COL4A1: variants seen among roughly 807,000 people sequenced by gnomAD.
COL4A1 encodes collagen alpha-1(IV) chain.
Under a neutral mutation model 216.6 loss-of-function variants are expected in COL4A1, and 40 were observed. That is an observed-to-expected ratio of 0.18 (90% CI 0.14 to 0.24). COL4A1 has a LOEUF of 0.24. COL4A1 is among the 10% of genes least tolerant of loss of function. COL4A1 has a pLI of 1.00. For missense variants in COL4A1, 1,628 were observed against 2,196.8 expected (o/e 0.74, Z 5.18); for synonymous variants, 839 against 810.7 (o/e 1.03, Z -0.59).
intron 44 of COL4A1, 36 bp from the exon 45 acceptor site, chr13:110,166,339 T>C (rs1459545696): frequency 1.6e-6 from 2 of 1,283,698 alleles, no homozygotes; most frequent in Non-Finnish European, 2.3e-6. Context: ...TTGCACAGAA[T>C]TCCCAATGAT....
At chr13:110,274,646 TAGAC>T (rs575510337) in intron 1 of COL4A1, among the ~76,000 whole-genome samples, 9 of 152,288 alleles carry the variant, frequency 5.9e-5, no homozygotes, top group Non-Finnish European at 1.2e-4. Flanking sequence ...TCACCGTTGT[TAGAC>T]AGAAATGCAA....
intron 20 of COL4A1, among the ~76,000 whole-genome samples, chr13:110,199,335 G>A (rs1879057139): frequency 6.6e-6 from 1 of 152,196 alleles, no homozygotes; most frequent in South Asian, 2.1e-4. Context: ...GAAACAGGAC[G>A]CAGGAAGACT....
intron 1 of COL4A1, among the ~76,000 whole-genome samples, chr13:110,303,859 C>G (rs975468609): frequency 1.4e-4 from 21 of 152,184 alleles, no homozygotes; most frequent in African/African-American, 4.8e-4. Flanking sequence ...GAGGTGTTCC[C>G]GATGTGTGTG....
At chr13:110,220,127 G>A (rs560065540) in intron 2 of COL4A1, among the ~76,000 whole-genome samples, 7 of 151,982 alleles carry the variant, frequency 4.6e-5, no homozygotes, top group South Asian at 4.2e-4. Flanking sequence ...TAGTAGAGAC[G>A]GGGTTTCGCC....
intron 14 of COL4A1, 21 bp from the exon 15 acceptor site, chr13:110,206,736 AAG>A: frequency 6.2e-7 from 1 of 1,613,678 alleles, no homozygotes; most frequent in Non-Finnish European, 8.5e-7. Context: ...TAAAAAGACA[AAG>A]AGATTTATTC....
chr13:110,230,285 T>A (rs1318301787), intron 2 of COL4A1, among the ~76,000 whole-genome samples: 1 of 151,874 alleles, frequency 6.6e-6, no homozygotes, highest in East Asian at 1.9e-4. Flanking sequence ...GTGGTGCGTG[T>A]ATATGTATGT....
intron 1 of COL4A1, among the ~76,000 whole-genome samples, chr13:110,284,699 C>T (rs61964261): frequency 0.1 from 15,456 of 152,184 alleles, 987 homozygotes; most frequent in Non-Finnish European, 0.13. Context: ...AAACATGGCT[C>T]CATCCTCATG....
intron 24 of COL4A1, 92 bp from the exon 25 acceptor site, chr13:110,187,421 C>T: frequency 1.4e-6 from 2 of 1,448,934 alleles, no homozygotes; most frequent in South Asian, 1.2e-5. Context: ...AATCAAGAAG[C>T]CACCTTCTTG....
intron 1 of COL4A1, among the ~76,000 whole-genome samples, chr13:110,245,544 C>G (rs996512750): frequency 3.3e-5 from 5 of 152,132 alleles, no homozygotes; most frequent in Admixed American, 2.0e-4. Flanking sequence ...TGGGAAAGAG[C>G]AGATTAAGCA....
intron 1 of COL4A1, 74 bp downstream of exon 1, chr13:110,306,870 C>G: frequency 1.5e-6 from 2 of 1,348,940 alleles, no homozygotes; most frequent in Non-Finnish European, 1.9e-6. Context: ...CGGGTCCAGG[C>G]GCGGACAAAG....
At chr13:110,173,780 A>G in intron 40 of COL4A1, 120 bp downstream of exon 40, 2 of 1,104,186 alleles carry the variant, frequency 1.8e-6, no homozygotes, top group Non-Finnish European at 1.4e-6. Flanking sequence ...AAGTAGTTGC[A>G]GGGATGTGCA....
At chr13:110,243,205 G>A (rs546908553) in intron 1 of COL4A1, among the ~76,000 whole-genome samples, 1 of 152,238 alleles carries the variant, frequency 6.6e-6, no homozygotes, top group South Asian at 2.1e-4. Flanking sequence ...GTACAGAACA[G>A]AATAAAGGAA....
rs1406066217 is a variant in COL4A1 at position 110,268,966 on chromosome 13, C to T, written c.85-26232G>A. 2.0e-5 allele frequency among the ~76,000 whole-genome samples: 3 copies of T among 152,118 alleles called. No individual in the cohort carries two copies. Among genetic ancestry groups the T allele is most frequent in the African/African-American group, 7.2e-5 (3 of 41,436 alleles). ...CCAACGTGCAAAAGCCGAACCTCCG[C>T]GCACCTCCACACGCCTTGCAGCACC... On this transcript the variant is annotated intron_variant, in intron 1 of 51. Transcript: ENST00000375820. The surrounding 1 kb of genome is among the most constrained non-coding windows in gnomAD (Gnocchi z 4.1).
Position 110,176,999 on chromosome 13 carries a change from C to A in COL4A1, c.2755G>T (p.Asp919Tyr). The A allele has an allele frequency of 6.2e-7, 1 of 1,614,138 alleles. No individual in the cohort carries two copies. The highest frequency in any genetic ancestry group is 8.5e-7 in the Non-Finnish European group (1 of 1,180,044). Reference protein sequence around the residue: ...GFPGSSGPRGDPGLKGDKGDV... With the variant: ...GFPGSSGPRGYPGLKGDKGDV... ...CCCTTATCACCTTTCAAGCCAGGGTCTCCCCTGGGTCCTGAGGAGCCCGGA... is the reference window on the plus strand; with the variant it reads ...CCCTTATCACCTTTCAAGCCAGGGTATCCCCTGGGTCCTGAGGAGCCCGGA... Residue 919 changes from aspartate to tyrosine, a missense_variant, in exon 34 of 52, where the codon GAC (aspartate) becomes TAC (tyrosine). Around this residue, in one of 8 missense-constraint regions of COL4A1, gnomAD observed 701 missense variants for 892.5 expected, o/e 0.79. Coordinates refer to ENST00000375820, the MANE Select transcript of COL4A1 (RefSeq NM_001845.6).
intron 46 of COL4A1, among the ~76,000 whole-genome samples, chr13:110,163,876 T>C (rs1359658255): frequency 4.6e-5 from 7 of 152,092 alleles, no homozygotes; most frequent in Admixed American, 2.6e-4. Context: ...TAACTTTCCC[T>C]CTCAGCCATA....
chr13:110,304,415 G>A (rs144659703), intron 1 of COL4A1, among the ~76,000 whole-genome samples: 3 of 152,310 alleles, frequency 2.0e-5, no homozygotes, highest in African/African-American at 4.8e-5. Context: ...GAAAGTTCAC[G>A]TTTCTAATCC....
chr13:110,231,428 G>A (rs570745848), intron 2 of COL4A1, among the ~76,000 whole-genome samples: 16 of 152,316 alleles, frequency 1.1e-4, no homozygotes, highest in East Asian at 3.9e-4. Context: ...GCACCTGAGC[G>A]GCTGCCTGAG....
intron 1 of COL4A1, among the ~76,000 whole-genome samples, chr13:110,289,827 C>T (rs1019298916): frequency 1.6e-4 from 24 of 152,118 alleles, no homozygotes; most frequent in African/African-American, 5.8e-4. Flanking sequence ...GTGGCTGGCA[C>T]GGACCACCGC....
intron 26 of COL4A1, 108 bp downstream of exon 26, chr13:110,186,277 G>A (rs1594560498): frequency 1.4e-6 from 2 of 1,385,164 alleles, no homozygotes; most frequent in Non-Finnish European, 1.0e-6. Flanking sequence ...TCAAAGCCAA[G>A]TGTGCGCCCT....
Sources: gnomAD v4.1 joint callset for allele counts (sites outside exome capture counted in the v4.1 genomes callset) on GRCh38, gnomAD v4.1.1 for gene constraint, gnomAD v4.1.1 regional missense constraint, Gnocchi (gnomAD v3.1) non-coding constraint, MANE v1.5 for transcripts, NCBI Gene and HGNC (gene_info 2026-07-23, HGNC 2026-07-21) for gene names.